ZMYM2: variants seen among roughly 807,000 people sequenced by gnomAD.
ZMYM2 encodes zinc finger MYM-type containing 2.
In ZMYM2, 56 loss-of-function variants were observed where a neutral mutation model predicts 162.8. The ratio of observed to expected loss-of-function variants is 0.34; its 90% CI spans 0.28 to 0.43. ZMYM2 has a LOEUF of 0.43. Among genes scored for constraint, ZMYM2 ranks in the 20% least tolerant of loss-of-function variants. The pLI is 1.00. For synonymous variants in ZMYM2, 510 were observed against 541.6 expected, an observed-to-expected ratio of 0.94 and a Z score of 0.81; for missense variants, 1,275 against 1,621.8, an observed-to-expected ratio of 0.79 and a Z score of 3.67.
At chr13:19,868,579 T>C in the ZMYM2 span, among the ~76,000 whole-genome samples, 1 of 152,264 alleles carries the variant, frequency 6.6e-6, no homozygotes, top group South Asian at 2.1e-4. Flanking sequence ...TACGTGGTCA[T>C]TGTTTATAGG....
chr13:20,075,548 A>C (rs530348389), intron 21 of ZMYM2, among the ~76,000 whole-genome samples: 1 of 152,178 alleles, frequency 6.6e-6, no homozygotes, highest in East Asian at 1.9e-4. Context: ...GAAGAAGGAA[A>C]ATGATAGGAA....
chr13:19,999,578 C>G (rs1452847085), intron 3 of ZMYM2, among the ~76,000 whole-genome samples: 2 of 152,116 alleles, frequency 1.3e-5, no homozygotes, highest in Non-Finnish European at 2.9e-5. Flanking sequence ...AGTTAATAAC[C>G]CTATAATGGT....
At chr13:19,897,118 G>A in the ZMYM2 span, among the ~76,000 whole-genome samples, 1 of 150,788 alleles carries the variant, frequency 6.6e-6, no homozygotes, top group African/African-American at 2.4e-5. Flanking sequence ...CATAGAGATA[G>A]GAAGTAGAAT....
chr13:20,054,546 A>G (rs1473425275), intron 14 of ZMYM2, among the ~76,000 whole-genome samples: 3 of 152,192 alleles, frequency 2.0e-5, no homozygotes, highest in Non-Finnish European at 4.4e-5. Flanking sequence ...GCAAATACTC[A>G]ACAGATGGTG....
chr13:19,905,085 C>T, the ZMYM2 span, among the ~76,000 whole-genome samples: 1 of 149,236 alleles, frequency 6.7e-6, no homozygotes, highest in African/African-American at 2.5e-5. Flanking sequence ...GATCTCGGCT[C>T]ACTGCAACCT....
chr13:19,944,815 C>T, the ZMYM2 span, among the ~76,000 whole-genome samples: 2 of 151,956 alleles, frequency 1.3e-5, no homozygotes, highest in Non-Finnish European at 2.9e-5. Flanking sequence ...GGATTACAGG[C>T]ACCCACCACC....
the ZMYM2 span, among the ~76,000 whole-genome samples, chr13:19,889,469 G>A: frequency 6.6e-6 from 1 of 151,734 alleles, no homozygotes; most frequent in Non-Finnish European, 1.5e-5. Flanking sequence ...ACAGGCTCCC[G>A]CCACCACACC....
the ZMYM2 span, among the ~76,000 whole-genome samples, chr13:19,871,716 A>T: frequency 6.6e-6 from 1 of 152,210 alleles, no homozygotes; most frequent in Admixed American, 6.5e-5. Flanking sequence ...AAATGTAAAA[A>T]ATTGATCTGC....
the ZMYM2 span, among the ~76,000 whole-genome samples, chr13:19,884,135 C>T: frequency 6.6e-6 from 1 of 152,154 alleles, no homozygotes; most frequent in South Asian, 2.1e-4. Flanking sequence ...CCTTGGAAGG[C>T]TGAGGCAGGA....
intron 21 of ZMYM2, among the ~76,000 whole-genome samples, chr13:20,081,354 G>A (rs1593280206): frequency 1.3e-5 from 2 of 152,044 alleles, no homozygotes; most frequent in South Asian, 4.1e-4. Flanking sequence ...ATAATTTTAT[G>A]TTATTTTCTC....
At chr13:19,998,609 C>T (rs1222135829) in intron 3 of ZMYM2, among the ~76,000 whole-genome samples, 1 of 152,132 alleles carries the variant, frequency 6.6e-6, no homozygotes, top group Non-Finnish European at 1.5e-5. Flanking sequence ...TGAAACTGGT[C>T]AGTTACTGTG....
At chr13:20,038,198 G>A (rs952168440) in intron 12 of ZMYM2, among the ~76,000 whole-genome samples, 1 of 152,064 alleles carries the variant, frequency 6.6e-6, no homozygotes, top group Non-Finnish European at 1.5e-5. Context: ...CTATTGGTAG[G>A]CATTTAGGAT....
the ZMYM2 span, among the ~76,000 whole-genome samples, chr13:19,919,545 T>C: frequency 6.6e-6 from 1 of 152,166 alleles, no homozygotes; most frequent in African/African-American, 2.4e-5. Context: ...TTCTAATGCA[T>C]GTGTATTGAT....
chr13:20,061,346 TGTAA>T, intron 17 of ZMYM2, 122 bp downstream of exon 17: 6 of 978,952 alleles, frequency 6.1e-6, no homozygotes, highest in South Asian at 3.6e-5. Flanking sequence ...AGGAAAGCAT[TGTAA>T]CAAAAATGTT....
At chr13:20,066,789 ATAAAG>A in intron 19 of ZMYM2, 57 bp from the exon 20 acceptor site, 2 of 1,422,320 alleles carry the variant, frequency 1.4e-6, no homozygotes, top group Non-Finnish European at 1.8e-6. Context: ...GATGGCTTGT[ATAAAG>A]TAATGAAATA....
chr13:19,946,664 G>T, the ZMYM2 span, among the ~76,000 whole-genome samples: 1 of 152,176 alleles, frequency 6.6e-6, no homozygotes, highest in Non-Finnish European at 1.5e-5. Flanking sequence ...GTGATTCACT[G>T]TTGTATCCCT....
At chr13:19,872,890 T>G in the ZMYM2 span, among the ~76,000 whole-genome samples, 1 of 151,688 alleles carries the variant, frequency 6.6e-6, no homozygotes, top group Non-Finnish European at 1.5e-5. Context: ...TCACAGTTAT[T>G]TGGGAGGCTG....
chr13:19,904,685 T>A, the ZMYM2 span, among the ~76,000 whole-genome samples: 1 of 152,222 alleles, frequency 6.6e-6, no homozygotes, highest in Non-Finnish European at 1.5e-5. Flanking sequence ...GTCAACATTT[T>A]GGCAAACAAA....
the ZMYM2 span, among the ~76,000 whole-genome samples, chr13:19,866,494 C>T: frequency 8.9e-3 from 1,355 of 151,984 alleles, 13 homozygotes; most frequent in African/African-American, 0.031. Flanking sequence ...GGCGAAACCC[C>T]GTCCCTACTA....
Sources: allele counts gnomAD v4.1 joint callset (sites outside exome capture counted in the v4.1 genomes callset), GRCh38; gene constraint gnomAD v4.1.1; transcripts MANE v1.5; gene names NCBI Gene and HGNC (gene_info 2026-07-23, HGNC 2026-07-21).